The following DRP2 variants were observed in gnomAD, a reference collection of about 807,000 sequenced individuals.
DRP2 encodes the protein dystrophin-related protein 2.
Under a neutral mutation model 78.2 loss-of-function variants are expected in DRP2, and 29 were observed. The ratio of observed to expected loss-of-function variants is 0.37; its 90% CI spans 0.28 to 0.51. The LOEUF (loss-of-function observed/expected upper bound fraction) is 0.51. Among genes scored for constraint, DRP2 ranks in the 20% least tolerant of loss-of-function variants. The probability of loss-of-function intolerance (pLI) is 0.94; values close to 1 mark genes in which losing one functional copy is unlikely to be tolerated. For synonymous variants in DRP2, 290 were observed against 281.9 expected, an observed-to-expected ratio of 1.03 and a Z score of -0.29; for missense variants, 686 against 770.6, an observed-to-expected ratio of 0.89 and a Z score of 1.30.
At position 101,249,588 on chromosome X, in the gene DRP2, T is replaced by C. The variant is rs762391938; in HGVS notation, c.1541-835T>C. ...GCCTAGACAATATAGTGAGACTCCA[T>C]TTCTAATTTTAAAAAGTAAGGAAAT... On this transcript the variant is annotated intron_variant, in intron 14 of 23. Coordinates refer to ENST00000395209, the MANE Select transcript of DRP2 (RefSeq NM_001939.3). Among the ~76,000 whole-genome samples the C allele has an allele frequency of 5.4e-5, 6 of 111,375 alleles. No individual in the cohort carries two copies. In the South Asian group the frequency reaches 1.6e-3, roughly 29 times the overall value.
intron 1 of DRP2, among the ~76,000 whole-genome samples, chrX:101,224,401 A>G (rs1210031569): frequency 5.6e-4 from 2 of 3,572 alleles, no homozygotes; most frequent in African/African-American, 6.1e-4. Flanking sequence ...TCTCAAAAAA[A>G]AAAACAAAAA....
chrX:101,247,155 G>T lies in DRP2; in HGVS notation c.1243G>T (p.Ala415Ser), dbSNP rs777051552. 2 of 1,205,690 alleles carry T rather than the reference G, an allele frequency of 1.7e-6. No individual in the cohort carries two copies. The highest frequency in any genetic ancestry group is 4.4e-5 in the Admixed American group (2 of 45,433). ...TAMKLRRVQK[A>S]LRLDLVTLTT... The stretch of plus-strand genomic sequence containing the variant: ...CATGAAACTCCGCAGAGTCCAGAAA[G>T]CCCTGCGCTGTACGTCTCCTGTTGT... The change falls in exon 12 of 24, where the codon GCC (alanine) becomes TCC (serine). Residue 415 changes from alanine to serine, a missense_variant. Around this residue, in one of 2 missense-constraint regions of DRP2, gnomAD observed 423 missense variants for 531.5 expected, o/e 0.80. Coordinates refer to ENST00000395209, the MANE Select transcript of DRP2 (RefSeq NM_001939.3).
intron 12 of DRP2, 45 bp downstream of exon 12, chrX:101,247,209 C>T: frequency 9.1e-7 from 1 of 1,101,067 alleles, no homozygotes; most frequent in Non-Finnish European, 1.2e-6. Context: ...CCACCCCTCT[C>T]CTGTTCCTCA....
intron 17 of DRP2, among the ~76,000 whole-genome samples, chrX:101,253,420 G>A (rs921580792): frequency 2.9e-5 from 3 of 104,850 alleles, no homozygotes; most frequent in Non-Finnish European, 5.8e-5. Context: ...ATCCTTTTCT[G>A]TCCCCGCAGA....
intron 14 of DRP2, among the ~76,000 whole-genome samples, chrX:101,249,025 G>A (rs1923037489): frequency 8.9e-6 from 1 of 111,856 alleles, no homozygotes; most frequent in Non-Finnish European, 1.9e-5. Flanking sequence ...TCTGGGAGGC[G>A]GACACTATGT....
In DRP2 at chrX:101,245,018, C is replaced by T. The variant is rs1250355098; in HGVS notation, c.1056C>T (p.Ser352=). ...FGPGSQHFLS[S]SVQVPWERAI... is the part of the protein sequence containing the mutation. Reference sequence around the variant, plus strand: ...TCTCTTTCTCTTCTCCTTTACCAGCCTCTGTCCAGGTTCCCTGGGAAAGAG... The same window carrying T: ...TCTCTTTCTCTTCTCCTTTACCAGCTTCTGTCCAGGTTCCCTGGGAAAGAG... The change falls in exon 10 of 24, where the codon TCC becomes TCT. Residue 352 remains serine (S), a splice_region_variant and synonymous_variant. Coordinates refer to ENST00000395209, the MANE Select transcript of DRP2 (RefSeq NM_001939.3). 6 of 1,206,846 alleles carry T rather than the reference C, an allele frequency of 5.0e-6. No individual in the cohort carries two copies. Among genetic ancestry groups the T allele is most frequent in the Non-Finnish European group, 6.7e-6 (6 of 893,537 alleles).
At chrX:101,239,598 G>A (rs1255040514) in intron 6 of DRP2, among the ~76,000 whole-genome samples, 1 of 110,353 alleles carries the variant, frequency 9.1e-6, no homozygotes, top group East Asian at 2.9e-4. Context: ...TTTTGTGGGG[G>A]ACGGAGTCTC....
chrX:101,259,687 G>A (rs775280760), intron 22 of DRP2, among the ~76,000 whole-genome samples: 1 of 110,898 alleles, frequency 9.0e-6, no homozygotes, highest in East Asian at 2.8e-4. Context: ...TAGTGGAGAC[G>A]GGGTTTCTCC....
At position 101,248,237 on chromosome X, in the gene DRP2, C is replaced by T. The variant is rs373791161; in HGVS notation, c.1401C>T (p.Asn467=). 3.9e-4 allele frequency: 469 copies of T among 1,209,909 alleles called. No individual in the cohort carries two copies. In the South Asian group the frequency reaches 6.2e-3, roughly 16 times the overall value. The part of the protein sequence containing the change: ...RLEEERGILV[N]VPLCVDMSLN... ...AGGAGGAAAGAGGCATCCTGGTCAA[C>T]GTGCCACTCTGTGTGGACATGAGCC... The change falls in exon 13 of 24, where the codon AAC becomes AAT. Residue 467 remains asparagine, a synonymous_variant. Transcript: ENST00000395209.
intron 17 of DRP2, among the ~76,000 whole-genome samples, chrX:101,253,585 AC>A (rs1427113053): frequency 1.4e-5 from 1 of 71,400 alleles, no homozygotes; most frequent in African/African-American, 6.2e-5. Context: ...TCTCACTCTT[AC>A]CCAGGCTGGA....
At chrX:101,234,553 C>T (rs1890854816) in intron 3 of DRP2, among the ~76,000 whole-genome samples, 1 of 112,717 alleles carries the variant, frequency 8.9e-6, no homozygotes, top group Non-Finnish European at 1.9e-5. Context: ...TCCTGCCTCC[C>T]TGAGAGGGCT....
At chrX:101,254,341 T>C in intron 17 of DRP2, 84 bp from the exon 18 acceptor site, 4 of 1,127,306 alleles carry the variant, frequency 3.5e-6, no homozygotes, top group Non-Finnish European at 4.8e-6. Flanking sequence ...CCCAGCAGGC[T>C]GTCTGCTCTA....
chrX:101,260,389 C>T (rs1443868223), intron 23 of DRP2, 108 bp from the exon 24 acceptor site: 1 of 1,055,385 alleles, frequency 9.5e-7, no homozygotes, highest in East Asian at 3.0e-5. Flanking sequence ...TGGGAAGATG[C>T]AAATGCTGCG....
chrX:101,236,140 TC>T, intron 4 of DRP2, 117 bp downstream of exon 4: 1 of 796,296 alleles, frequency 1.3e-6, no homozygotes, highest in Admixed American at 2.9e-5. Flanking sequence ...CACCCACTTC[TC>T]CCTTTCCTAC....
In DRP2 at chrX:101,241,764, G is replaced by T; in HGVS notation, c.656G>T (p.Cys219Phe). Reference protein sequence around the residue: ...SELWEKLTARCVDQHRHIERT... With the variant: ...SELWEKLTARFVDQHRHIERT... ...CTGTGGGAGAAGTTGACAGCCCGCT[G>T]TGTGGACCAGCACCGTCACATTGAG... Residue 219 changes from cysteine to phenylalanine, a missense_variant, in exon 7 of 24, where the codon TGT (cysteine) becomes TTT (phenylalanine). By Grantham distance (205) the Cys-to-Phe change is radical. Transcript: ENST00000395209. 1 of 1,211,916 alleles carries T rather than the reference G, an allele frequency of 8.3e-7. No homozygotes were observed. The highest frequency in any genetic ancestry group is 3.0e-5 in the East Asian group (1 of 33,853).
At position 101,245,053 on chromosome X, in the gene DRP2, C is replaced by A. The variant is rs868805324; in HGVS notation, c.1091C>A (p.Pro364His). The A allele has an allele frequency of 3.3e-6, 4 of 1,210,120 alleles. No individual in the cohort carries two copies. Among genetic ancestry groups the A allele is most frequent in the Non-Finnish European group, 4.5e-6 (4 of 894,627 alleles). ...GTTCCCTGGGAAAGAGCAATTTCAC[C>A]CAATAAAGTTCCCTACTACATCAAG... is the stretch of plus-strand genomic sequence containing the variant. ...VQVPWERAISPNKVPYYINHQ... is the reference protein window; with the variant it reads ...VQVPWERAISHNKVPYYINHQ... The change falls in exon 10 of 24, where the codon CCC becomes CAC. Residue 364 changes from proline (P) to histidine (H), a missense_variant. Pro to His is a moderately conservative substitution (Grantham distance 77). Coordinates refer to ENST00000395209, the MANE Select transcript of DRP2 (RefSeq NM_001939.3).
Position 101,250,403 on chromosome X carries a change from C to G in DRP2, c.1541-20C>G, listed in dbSNP as rs1042470029. 2 of 1,209,539 alleles carry G rather than the reference C, an allele frequency of 1.7e-6. No homozygotes were observed. Among genetic ancestry groups the G allele is most frequent in the African/African-American group, 1.8e-5 (1 of 57,132 alleles). On this transcript the variant is annotated intron_variant, in intron 14 of 23. Transcript: ENST00000395209. ...CATTCCTGTGTCGGGGTTGGCCATT[C>G]TTGACGGTGGGGCCAGCAGACCTCT...
intron 17 of DRP2, among the ~76,000 whole-genome samples, chrX:101,253,231 T>C (rs1923199979): frequency 9.0e-6 from 1 of 111,184 alleles, no homozygotes; most frequent in Non-Finnish European, 1.9e-5. Flanking sequence ...AGGTATGTCC[T>C]TTACCTGGAC....
chrX:101,237,523 C>T (rs1922551056), intron 4 of DRP2, 96 bp from the exon 5 acceptor site: 1 of 926,033 alleles, frequency 1.1e-6, no homozygotes, highest in Non-Finnish European at 1.4e-6. Flanking sequence ...AATTTGTTTT[C>T]TATATTAAAG....
Sources: allele counts gnomAD v4.1 joint callset (sites outside exome capture counted in the v4.1 genomes callset), GRCh38; gene constraint gnomAD v4.1.1; regional missense constraint gnomAD v4.1.1; transcripts MANE v1.5; gene names NCBI Gene and HGNC (gene_info 2026-07-23, HGNC 2026-07-21).